The following WDPCP variants were observed in gnomAD, a reference collection of about 807,000 sequenced individuals.
WDPCP encodes WD repeat containing planar cell polarity effector.
WDPCP carries 71 observed loss-of-function variants against 93.1 expected under a neutral mutation model. That is an observed-to-expected ratio of 0.76 (90% CI 0.63 to 0.93). WDPCP has a LOEUF of 0.93. Among genes scored for constraint, WDPCP ranks in the 40% least tolerant of loss-of-function variants. The pLI is 0.00. For missense variants in WDPCP, 844 were observed against 887.4 expected (o/e 0.95, Z 0.62); for synonymous variants, 315 against 315.0 (o/e 1.00, Z 0.00).
intron 17 of WDPCP, among the ~76,000 whole-genome samples, chr2:63,139,382 C>T (rs538105029): frequency 1.5e-4 from 23 of 152,172 alleles, no homozygotes; most frequent in Non-Finnish European, 2.8e-4. Context: ...ACTTTTAGTT[C>T]TTTAAGGAAT....
intron 2 of WDPCP, among the ~76,000 whole-genome samples, chr2:63,654,303 A>G (rs1710141450): frequency 2.6e-5 from 4 of 152,196 alleles, no homozygotes; most frequent in Admixed American, 2.6e-4. Context: ...AGATTGTAAC[A>G]TTATGGTACA....
chr2:63,330,622 A>G (rs768825921), intron 12 of WDPCP, among the ~76,000 whole-genome samples: 3 of 151,662 alleles, frequency 2.0e-5, no homozygotes, highest in Non-Finnish European at 2.9e-5. Context: ...GTTGTTGCCT[A>G]TGATTCTGAT....
intron 6 of WDPCP, among the ~76,000 whole-genome samples, chr2:63,483,112 A>C (rs1308296687): frequency 6.6e-6 from 1 of 151,944 alleles, no homozygotes; most frequent in Non-Finnish European, 1.5e-5. Flanking sequence ...GCTCCACTGC[A>C]TATTTTAAGA....
At chr2:63,452,505 T>C (rs1698324367) in intron 6 of WDPCP, among the ~76,000 whole-genome samples, 1 of 152,104 alleles carries the variant, frequency 6.6e-6, no homozygotes, top group Non-Finnish European at 1.5e-5. Context: ...ATCGTGAAAA[T>C]GGCCATACTG....
At chr2:63,432,348 C>A (rs1696824373) in intron 9 of WDPCP, among the ~76,000 whole-genome samples, 1 of 152,188 alleles carries the variant, frequency 6.6e-6, no homozygotes, top group Non-Finnish European at 1.5e-5. Context: ...ATAGCTTACA[C>A]ATACTCTACC....
At chr2:63,795,559 AAGAAAGAAAGAAAGACAGAC>A in intron 2 of WDPCP, among the ~76,000 whole-genome samples, 1 of 151,754 alleles carries the variant, frequency 6.6e-6, no homozygotes, top group Admixed American at 6.6e-5. Flanking sequence ...GGGGGGAAGA[AAGAAAGAAAGAAAGACAGAC>A]AGAAAGAAGG....
chr2:63,742,827 C>T (rs923585142), intron 2 of WDPCP, among the ~76,000 whole-genome samples: 3 of 151,328 alleles, frequency 2.0e-5, no homozygotes, highest in African/African-American at 4.9e-5. Context: ...GCCTCAGTAA[C>T]ACAGAGCCCA....
At chr2:63,390,686 T>G (rs1241575987) in intron 10 of WDPCP, among the ~76,000 whole-genome samples, 1 of 151,952 alleles carries the variant, frequency 6.6e-6, no homozygotes, top group Admixed American at 6.6e-5. Flanking sequence ...AACAATCAAA[T>G]AGATGCAATA....
intron 2 of WDPCP, among the ~76,000 whole-genome samples, chr2:63,720,544 C>G (rs1446712514): frequency 6.6e-6 from 1 of 152,100 alleles, no homozygotes; most frequent in Non-Finnish European, 1.5e-5. Context: ...CATGGCTTAC[C>G]CGGTGCTCTG....
At chr2:63,616,575 T>A (rs1417447799) in intron 3 of WDPCP, among the ~76,000 whole-genome samples, 1 of 152,178 alleles carries the variant, frequency 6.6e-6, no homozygotes, top group Non-Finnish European at 1.5e-5. Flanking sequence ...AAAAACGAAA[T>A]AATTTTAAGA....
chr2:63,827,697 G>A (rs1229328215), exon 1 of WDPCP: 1 of 152,142 alleles, frequency 6.6e-6, no homozygotes, highest in Admixed American at 6.6e-5. Context: ...TCAAAACTCT[G>A]TCTCTTCATT....
intron 6 of WDPCP, among the ~76,000 whole-genome samples, chr2:63,465,824 G>C (rs1289798986): frequency 2.0e-5 from 3 of 152,084 alleles, no homozygotes; most frequent in Non-Finnish European, 4.4e-5. Flanking sequence ...TGAAAACCCA[G>C]CTTCAAATAG....
chr2:63,267,871 C>T (rs1052586888), intron 13 of WDPCP, among the ~76,000 whole-genome samples: 1 of 152,076 alleles, frequency 6.6e-6, no homozygotes, highest in Non-Finnish European at 1.5e-5. Context: ...GTGTATACTG[C>T]TGCTGGGAAT....
At position 63,659,994 on chromosome 2, in the gene WDPCP, A is replaced by G. The variant is rs561702078; in HGVS notation, n.309-9156T>C. Among the ~76,000 whole-genome samples, 4 of 152,248 alleles carry G rather than the reference A, an allele frequency of 2.6e-5. 1 individual carries two copies. Among genetic ancestry groups the G allele is most frequent in the African/African-American group, 9.6e-5 (4 of 41,568 alleles). On this transcript the variant is annotated intron_variant and non_coding_transcript_variant, in intron 2 of 4. Transcript: ENST00000467687. ...TTGGCTTTTAAATAATATGCTGTATATTATATTTACCCTTATCTCTTTTTA... is the reference window on the plus strand; with the variant it reads ...TTGGCTTTTAAATAATATGCTGTATGTTATATTTACCCTTATCTCTTTTTA...
intron 6 of WDPCP, among the ~76,000 whole-genome samples, chr2:63,483,852 A>G (rs140670424): frequency 6.6e-6 from 1 of 151,956 alleles, no homozygotes; most frequent in African/African-American, 2.4e-5. Context: ...TAAGCCTATC[A>G]GCAAAGCTAA....
chr2:63,497,446 G>A (rs890533127), intron 1 of WDPCP, among the ~76,000 whole-genome samples: 1 of 152,178 alleles, frequency 6.6e-6, no homozygotes, highest in East Asian at 1.9e-4. Flanking sequence ...ATTAACAGGG[G>A]AGCGGGAGGA....
intron 14 of WDPCP, among the ~76,000 whole-genome samples, chr2:63,187,448 C>T (rs1181295935): frequency 6.6e-6 from 1 of 152,148 alleles, no homozygotes; most frequent in Non-Finnish European, 1.5e-5. Flanking sequence ...CCTCATTCTT[C>T]TGTTACTGTC....
In WDPCP at chr2:63,367,587, A is replaced by G. The variant is rs1269844982; in HGVS notation, c.1748+10799T>C. ...ATGTCTATATATAGCAGGATAGTTG[A>G]ATAAATTATGGTAGTCTATCCTTAA... On this transcript the variant is annotated intron_variant, in intron 12 of 17. Coordinates refer to ENST00000272321, the MANE Select transcript of WDPCP (RefSeq NM_015910.7). Among the ~76,000 whole-genome samples, 3 of 152,318 alleles carry G rather than the reference A, an allele frequency of 2.0e-5. No individual in the cohort carries two copies. The South Asian group carries it at 6.2e-4, about 32-fold the overall frequency.
chr2:63,268,874 ATAC>A (rs1682383886), intron 13 of WDPCP, among the ~76,000 whole-genome samples: 1 of 152,172 alleles, frequency 6.6e-6, no homozygotes, highest in Non-Finnish European at 1.5e-5. Context: ...TCTGCAATGT[ATAC>A]ATAGATAAAA....
Sources: gnomAD v4.1 joint callset for allele counts (sites outside exome capture counted in the v4.1 genomes callset) on GRCh38, gnomAD v4.1.1 for gene constraint, MANE v1.5 for transcripts, NCBI Gene and HGNC (gene_info 2026-07-23, HGNC 2026-07-21) for gene names.